TNRC6B: variants seen among roughly 807,000 people sequenced by gnomAD.
The protein encoded by TNRC6B is trinucleotide repeat-containing gene 6B protein.
Under a neutral mutation model 203.6 loss-of-function variants are expected in TNRC6B, and 52 were observed. The observed-to-expected ratio is 0.26, with a 90% CI of 0.20 to 0.32. TNRC6B has a LOEUF of 0.32. Among genes scored for constraint, TNRC6B ranks in the 10% least tolerant of loss-of-function variants. TNRC6B has a pLI of 1.00. For missense variants in TNRC6B, 1,923 were observed against 2,286.2 expected, an observed-to-expected ratio of 0.84 and a Z score of 3.24; for synonymous variants, 838 against 845.7, an observed-to-expected ratio of 0.99 and a Z score of 0.16.
chr22:40,084,895 G>T (rs1280624974), intron 1 of TNRC6B, among the ~76,000 whole-genome samples: 1 of 152,154 alleles, frequency 6.6e-6, no homozygotes, highest in Non-Finnish European at 1.5e-5. Flanking sequence ...CTCCAAGATG[G>T]CCCAGTGGTC....
At position 40,155,477 on chromosome 22, in the gene TNRC6B, C is replaced by T. The variant is rs140974063; in HGVS notation, c.46-638C>T. 2.8e-3 allele frequency among the ~76,000 whole-genome samples: 425 copies of T among 152,248 alleles called. 2 individuals are homozygous for T. Among genetic ancestry groups the T allele is most frequent in the African/African-American group, 9.5e-3 (395 of 41,546 alleles). The stretch of plus-strand genomic sequence containing the variant: ...CTAATTTTTGTATTTTTAGTAGAGA[C>T]GGAGTTTCACCATGTTGGCCAGGAT... On this transcript the variant is annotated intron_variant, in intron 3 of 23. Transcript: ENST00000301923.
At chr22:40,100,151 A>G (rs1443928372) in intron 1 of TNRC6B, among the ~76,000 whole-genome samples, 4 of 150,930 alleles carry the variant, frequency 2.7e-5, no homozygotes, top group Non-Finnish European at 5.9e-5. Context: ...TAGTGGTGTG[A>G]TCTTGGCTTA....
At chr22:40,078,781 C>T (rs1394877971) in intron 1 of TNRC6B, among the ~76,000 whole-genome samples, 1 of 151,356 alleles carries the variant, frequency 6.6e-6, no homozygotes, top group Non-Finnish European at 1.5e-5. Flanking sequence ...TTAGTAGAAA[C>T]AGGGTTTCTT....
At chr22:40,302,370 C>CA (rs1353692233) in intron 15 of TNRC6B, among the ~76,000 whole-genome samples, 2 of 152,190 alleles carry the variant, frequency 1.3e-5, no homozygotes, top group Admixed American at 1.3e-4. Flanking sequence ...CGCGGTGACT[C>CA]ACACCTGTAA....
intron 1 of TNRC6B, among the ~76,000 whole-genome samples, chr22:40,188,577 C>T (rs1307687501): frequency 6.6e-6 from 1 of 152,124 alleles, no homozygotes; most frequent in Non-Finnish European, 1.5e-5. Context: ...CTCCAGGATC[C>T]CAGGGCAGCG....
At chr22:40,175,828 AG>A (rs1316136857), upstream of TNRC6B, among the ~76,000 whole-genome samples, 4 of 152,266 alleles carry the variant, frequency 2.6e-5, no homozygotes, top group Non-Finnish European at 5.9e-5. Context: ...CAGATTGTCC[AG>A]GCATTGGCCT....
intron 3 of TNRC6B, among the ~76,000 whole-genome samples, chr22:40,257,514 C>T (rs1013869257): frequency 6.6e-6 from 1 of 151,718 alleles, no homozygotes; most frequent in Non-Finnish European, 1.5e-5. Flanking sequence ...GTCAGTAGTT[C>T]GAGGCCAGCC....
At chr22:40,206,189 T>G (rs1419750345) in intron 1 of TNRC6B, among the ~76,000 whole-genome samples, 1 of 152,194 alleles carries the variant, frequency 6.6e-6, no homozygotes, top group African/African-American at 2.4e-5. Context: ...GATATTAATA[T>G]AGTTACTAAA....
upstream of TNRC6B, among the ~76,000 whole-genome samples, chr22:40,177,006 C>G (rs1003064284): frequency 7.9e-5 from 12 of 152,250 alleles, no homozygotes; most frequent in East Asian, 2.3e-3. Context: ...GGGTAAGGGA[C>G]TTACTTACTT....
chr22:40,046,475 A>G (rs374106160), intron 1 of TNRC6B, among the ~76,000 whole-genome samples: 6 of 152,186 alleles, frequency 3.9e-5, no homozygotes, highest in South Asian at 2.1e-4. Context: ...GTTCTTTACT[A>G]TTATTAAGGG....
chr22:40,044,921 T>TA (rs922866908), exon 1 of TNRC6B: 4 of 152,244 alleles, frequency 2.6e-5, no homozygotes, highest in African/African-American at 9.7e-5. Context: ...GTCGCCTCCA[T>TA]AGTCTGCGGA....
At chr22:40,060,145 T>C (rs1484196951) in intron 1 of TNRC6B, among the ~76,000 whole-genome samples, 1 of 124,534 alleles carries the variant, frequency 8.0e-6, no homozygotes, top group African/African-American at 3.6e-5. Context: ...TTTTTTTTTC[T>C]TTTTTTTTTT....
intron 21 of TNRC6B, among the ~76,000 whole-genome samples, chr22:40,320,871 C>G (rs2071325746): frequency 6.6e-6 from 1 of 152,176 alleles, no homozygotes; most frequent in South Asian, 2.1e-4. Context: ...GATACCATCT[C>G]ATTTTTGTCC....
chr22:40,054,310 A>G (rs771866395), intron 1 of TNRC6B, among the ~76,000 whole-genome samples: 1 of 152,192 alleles, frequency 6.6e-6, no homozygotes. Flanking sequence ...AGCTTCTGCC[A>G]GCGTCCCCTG....
Position 40,323,394 on chromosome 22 carries a change from G to A in TNRC6B, c.*153G>A. ...AAAAAAGGTGGGTCATTGACAGACT[G>A]TCTGAGCACATAGTTGCCTCCCTTA... is the stretch of plus-strand genomic sequence containing the variant. On this transcript the variant is annotated 3_prime_UTR_variant, in exon 23 of 23. Coordinates refer to ENST00000454349, the MANE Select transcript of TNRC6B (RefSeq NM_001162501.2). 1.1e-6 allele frequency: 1 copy of A among 945,992 alleles called. No individual in the cohort carries two copies. Among genetic ancestry groups the A allele is most frequent in the Non-Finnish European group, 1.5e-6 (1 of 662,674 alleles). The allele number at this position is 945,992 out of a possible 1,614,324, so 58.6% of individuals were successfully genotyped here. A position where few individuals can be genotyped will look rare whatever the true frequency, so the allele number is the denominator to read the frequency against.
chr22:40,165,035 G>A (rs1349637025), intron 4 of TNRC6B, among the ~76,000 whole-genome samples: 1 of 150,388 alleles, frequency 6.6e-6, no homozygotes, highest in Non-Finnish European at 1.5e-5. Context: ...GCCTGCCTCA[G>A]CCTCCCAAAG....
chr22:40,060,404 A>G (rs1424885779), intron 1 of TNRC6B, among the ~76,000 whole-genome samples: 5 of 152,040 alleles, frequency 3.3e-5, no homozygotes, highest in African/African-American at 4.8e-5. Flanking sequence ...AGTCTTCCAA[A>G]GTGCTAGGAT....
chr22:40,047,420 G>C, intron 1 of TNRC6B, among the ~76,000 whole-genome samples: 1 of 146,154 alleles, frequency 6.8e-6, no homozygotes, highest in East Asian at 1.9e-4. Context: ...TGGCCAACAT[G>C]GTGAAACCCC....
intron 1 of TNRC6B, among the ~76,000 whole-genome samples, chr22:40,233,019 G>C (rs909131114): frequency 6.6e-6 from 1 of 151,976 alleles, no homozygotes; most frequent in Admixed American, 6.6e-5. Context: ...GTAGTGGTGC[G>C]CGCCTATAGT....
Sources: gnomAD v4.1 joint callset for allele counts (sites outside exome capture counted in the v4.1 genomes callset) on GRCh38, gnomAD v4.1.1 for gene constraint, MANE v1.5 for transcripts, NCBI Gene and HGNC (gene_info 2026-07-23, HGNC 2026-07-21) for gene names.